Variants in SLC35D4 observed in about 807,000 individuals in gnomAD.
SLC35D4 encodes the protein UDP-N-acetylglucosamine transporter SLC35D4.
chr18:23,304,031 C>T, the SLC35D4 span, among the ~76,000 whole-genome samples: 1 of 142,276 alleles, frequency 7.0e-6, no homozygotes, highest in East Asian at 2.0e-4. Context: ...GCCTGGGCAA[C>T]ATAGAGAGGC....
At chr18:23,377,753 G>T in the SLC35D4 span, 2 of 1,272,362 alleles carry the variant, frequency 1.6e-6, no homozygotes, top group Non-Finnish European at 1.1e-6. Context: ...TGATCAAGAG[G>T]CAAATAAATT....
At chr18:23,297,998 C>A in the SLC35D4 span, 3 of 1,613,066 alleles carry the variant, frequency 1.9e-6, no homozygotes, top group East Asian at 6.7e-5. Flanking sequence ...TTTCTCTTGA[C>A]CGTCTTGTTC....
the SLC35D4 span, among the ~76,000 whole-genome samples, chr18:23,393,754 A>C: frequency 6.6e-6 from 1 of 152,276 alleles, no homozygotes; most frequent in South Asian, 2.1e-4. Context: ...AGTAGCTGGG[A>C]TTACAGGCAC....
chr18:23,354,684 G>A, the SLC35D4 span, among the ~76,000 whole-genome samples: 5 of 152,032 alleles, frequency 3.3e-5, no homozygotes, highest in African/African-American at 7.2e-5. Context: ...CCTTTCCCTC[G>A]AGTCTTTCCC....
At chr18:23,327,867 G>C in the SLC35D4 span, among the ~76,000 whole-genome samples, 10 of 152,078 alleles carry the variant, frequency 6.6e-5, no homozygotes, top group Non-Finnish European at 1.3e-4. Context: ...TGATCAAGTC[G>C]GCTTCATCCC....
At chr18:23,264,585 A>G in the SLC35D4 span, among the ~76,000 whole-genome samples, 1 of 151,204 alleles carries the variant, frequency 6.6e-6, no homozygotes, top group Non-Finnish European at 1.5e-5. Flanking sequence ...CTGGTCTCGA[A>G]CTCTTGACCT....
the SLC35D4 span, among the ~76,000 whole-genome samples, chr18:23,302,499 C>A: frequency 4.6e-5 from 7 of 152,352 alleles, no homozygotes; most frequent in African/African-American, 1.4e-4. Context: ...AAGGAATTAT[C>A]AGTCCCAAAT....
chr18:23,302,377 T>C, the SLC35D4 span, among the ~76,000 whole-genome samples: 1 of 152,224 alleles, frequency 6.6e-6, no homozygotes, highest in Non-Finnish European at 1.5e-5. Context: ...CTTTTGGCAA[T>C]GTCGGGGATG....
chr18:23,414,706 A>G, the SLC35D4 span, among the ~76,000 whole-genome samples: 2 of 152,054 alleles, frequency 1.3e-5, no homozygotes, highest in African/African-American at 4.8e-5. Context: ...AGCCAGACAC[A>G]ATGGCACACA....
the SLC35D4 span, among the ~76,000 whole-genome samples, chr18:23,391,217 TGAAA>T: frequency 6.4e-4 from 89 of 139,836 alleles, no homozygotes; most frequent in African/African-American, 2.4e-3. Flanking sequence ...AGCAAGACTC[TGAAA>T]GAAAAAAAAA....
chr18:23,308,290 C>A, the SLC35D4 span, among the ~76,000 whole-genome samples: 7 of 152,104 alleles, frequency 4.6e-5, no homozygotes, highest in African/African-American at 1.7e-4. Context: ...CACAGAAAGG[C>A]TCTCCCCTCC....
the SLC35D4 span, among the ~76,000 whole-genome samples, chr18:23,418,311 T>C: frequency 7.0e-4 from 106 of 150,882 alleles, no homozygotes; most frequent in Non-Finnish European, 1.2e-3. Flanking sequence ...TAATACTAGT[T>C]TTTTGCTCTC....
the SLC35D4 span, among the ~76,000 whole-genome samples, chr18:23,371,935 G>GTTTTTTT: frequency 2.3e-4 from 8 of 35,470 alleles, no homozygotes; most frequent in African/African-American, 5.9e-4. Flanking sequence ...TGTTTTTTTT[G>GTTTTTTT]TTTTTTTTTT....
the SLC35D4 span, among the ~76,000 whole-genome samples, chr18:23,277,613 CCAGA>C: frequency 1.3e-5 from 2 of 152,144 alleles, no homozygotes; most frequent in Non-Finnish European, 2.9e-5. Context: ...AAAAACTGCA[CCAGA>C]CAGAGTTAAA....
At chr18:23,342,770 G>A in the SLC35D4 span, among the ~76,000 whole-genome samples, 14 of 152,156 alleles carry the variant, frequency 9.2e-5, no homozygotes, top group Non-Finnish European at 1.0e-4. Flanking sequence ...TAGTGGGTGC[G>A]TGGTGATATC....
At chr18:23,263,138 G>A in the SLC35D4 span, among the ~76,000 whole-genome samples, 1 of 152,230 alleles carries the variant, frequency 6.6e-6, no homozygotes, top group South Asian at 2.1e-4. Context: ...ATTATGAAGT[G>A]ACAAAGGCAA....
chr18:23,311,660 T>C, the SLC35D4 span, among the ~76,000 whole-genome samples: 1 of 152,224 alleles, frequency 6.6e-6, no homozygotes, highest in Non-Finnish European at 1.5e-5. Flanking sequence ...GCTATTAGCC[T>C]AATCAAGTCT....
the SLC35D4 span, among the ~76,000 whole-genome samples, chr18:23,384,229 T>C: frequency 2.0e-5 from 3 of 152,110 alleles, no homozygotes; most frequent in Non-Finnish European, 4.4e-5. Context: ...AATTTGAGGC[T>C]GCAGGGAACT....
the SLC35D4 span, among the ~76,000 whole-genome samples, chr18:23,410,209 G>A: frequency 1.6e-3 from 249 of 152,286 alleles, 5 homozygotes; most frequent in East Asian, 0.039. Flanking sequence ...GGCCGGGCGC[G>A]GTGGCTCAGG....
Sources: allele counts gnomAD v4.1 joint callset (sites outside exome capture counted in the v4.1 genomes callset), GRCh38; gene constraint gnomAD v4.1.1; transcripts MANE v1.5; gene names NCBI Gene and HGNC (gene_info 2026-07-23, HGNC 2026-07-21).